The following SLC44A5 variants were observed in gnomAD, a reference collection of about 807,000 sequenced individuals.
SLC44A5 encodes choline transporter-like protein 5.
In SLC44A5, 57 loss-of-function variants were observed where a neutral mutation model predicts 101.8. The ratio of observed to expected loss-of-function variants is 0.56; its 90% CI spans 0.45 to 0.70. The LOEUF (loss-of-function observed/expected upper bound fraction) is 0.70, where lower values mean the gene tolerates loss of function less well. SLC44A5 is among the 30% of genes least tolerant of loss of function. The pLI, the probability that SLC44A5 is intolerant of heterozygous loss-of-function variation, is 0.00. For synonymous variants in SLC44A5, 281 were observed against 290.9 expected (o/e 0.97, Z 0.35); for missense variants, 737 against 853.1 (o/e 0.86, Z 1.70).
intron 2 of SLC44A5, among the ~76,000 whole-genome samples, chr1:75,485,718 A>G (rs1210614390): frequency 6.6e-6 from 1 of 151,806 alleles, no homozygotes; most frequent in Non-Finnish European, 1.5e-5. Context: ...CACTGTGACA[A>G]AGAACTACCT....
chr1:75,262,573 T>G (rs1366743531), intron 6 of SLC44A5, among the ~76,000 whole-genome samples: 1 of 152,156 alleles, frequency 6.6e-6, no homozygotes, highest in Non-Finnish European at 1.5e-5. Flanking sequence ...AATTTATAGA[T>G]TCAATGCTAT....
At chr1:75,371,165 G>A (rs1393546526) in intron 3 of SLC44A5, among the ~76,000 whole-genome samples, 1 of 152,128 alleles carries the variant, frequency 6.6e-6, no homozygotes, top group Admixed American at 6.5e-5. Flanking sequence ...GTGTCAATGG[G>A]AAATTATACA....
chr1:75,449,682 A>T (rs546993314), intron 2 of SLC44A5, among the ~76,000 whole-genome samples: 39 of 152,062 alleles, frequency 2.6e-4, no homozygotes, highest in Non-Finnish European at 5.0e-4. Context: ...TTTCCCCAAG[A>T]TAGAGGATAA....
chr1:75,479,148 A>T (rs1393915570), intron 2 of SLC44A5, among the ~76,000 whole-genome samples: 2 of 152,234 alleles, frequency 1.3e-5, no homozygotes, highest in Non-Finnish European at 2.9e-5. Context: ...CTCCTGAATG[A>T]CTACTGGGTA....
At chr1:75,633,455 C>T in the SLC44A5 span, among the ~76,000 whole-genome samples, 18 of 152,034 alleles carry the variant, frequency 1.2e-4, no homozygotes, top group African/African-American at 4.1e-4. Context: ...AAAGTGGATT[C>T]CTAGGTATTT....
chr1:75,405,732 C>A (rs1332426345), intron 2 of SLC44A5, among the ~76,000 whole-genome samples: 1 of 151,850 alleles, frequency 6.6e-6, no homozygotes, highest in African/African-American at 2.4e-5. Flanking sequence ...TTCATAGCAC[C>A]AAGTGCCCAC....
In SLC44A5 at chr1:75,365,767, T is replaced by G. The variant is rs902563398; in HGVS notation, c.53-26137A>C. Among the ~76,000 whole-genome samples the G allele has an allele frequency of 8.1e-4, 124 of 152,332 alleles. 1 individual carries two copies. Among genetic ancestry groups the G allele is most frequent in the African/African-American group, 2.8e-3 (116 of 41,568 alleles). On this transcript the variant is annotated intron_variant, in intron 3 of 23. Coordinates refer to ENST00000370859, the MANE Select transcript of SLC44A5 (RefSeq NM_001130058.2). Reference sequence around the variant, plus strand: ...TTGTTAATATTTTCTAGCAGTATACTTTGTTCTGTTCTCATTCTATTTTAT... The same window carrying G: ...TTGTTAATATTTTCTAGCAGTATACGTTGTTCTGTTCTCATTCTATTTTAT...
At chr1:75,370,819 T>A (rs1048671894) in intron 3 of SLC44A5, among the ~76,000 whole-genome samples, 3 of 152,202 alleles carry the variant, frequency 2.0e-5, no homozygotes, top group African/African-American at 7.2e-5. Context: ...GAGAAAAATG[T>A]AATTTCCTGC....
intron 14 of SLC44A5, among the ~76,000 whole-genome samples, chr1:75,221,951 C>A (rs1260553683): frequency 2.3e-5 from 3 of 132,494 alleles, no homozygotes; most frequent in Admixed American, 1.4e-4. Context: ...TTTTAAAAGT[C>A]TTCTTCTTCT....
At chr1:75,646,641 A>G in the SLC44A5 span, among the ~76,000 whole-genome samples, 10 of 152,172 alleles carry the variant, frequency 6.6e-5, no homozygotes. Context: ...TCTTCTCATG[A>G]TAGTGAGAGA....
chr1:75,414,786 AT>A (rs1185779092), intron 2 of SLC44A5, among the ~76,000 whole-genome samples: 9 of 152,194 alleles, frequency 5.9e-5, no homozygotes, highest in African/African-American at 1.9e-4. Context: ...AAAGGATCTA[AT>A]AAAAGTCTAG....
chr1:75,329,917 G>A (rs374369830), intron 4 of SLC44A5, among the ~76,000 whole-genome samples: 26 of 151,706 alleles, frequency 1.7e-4, no homozygotes, highest in Admixed American at 5.3e-4. Context: ...CTCCTACTAC[G>A]TGAAGCATTC....
upstream of SLC44A5, among the ~76,000 whole-genome samples, chr1:75,611,643 G>T (rs149462402): frequency 6.1e-3 from 922 of 152,270 alleles, 13 homozygotes; most frequent in African/African-American, 0.021. Flanking sequence ...AAACATCTGT[G>T]TGCTTTTATT....
At chr1:75,257,519 G>C (rs1650111282) in intron 6 of SLC44A5, among the ~76,000 whole-genome samples, 1 of 152,188 alleles carries the variant, frequency 6.6e-6, no homozygotes. Flanking sequence ...GCCAGGATCA[G>C]CTGGGAACCT....
chr1:75,375,297 A>T (rs532192438), intron 3 of SLC44A5, among the ~76,000 whole-genome samples: 1 of 152,338 alleles, frequency 6.6e-6, no homozygotes, highest in African/African-American at 2.4e-5. Context: ...ACTCAGTCAG[A>T]CAAAAACAAA....
At chr1:75,441,510 T>G (rs1333482300) in intron 2 of SLC44A5, among the ~76,000 whole-genome samples, 13 of 148,760 alleles carry the variant, frequency 8.7e-5, no homozygotes, top group Non-Finnish European at 1.5e-4. Context: ...AAAAAACAAA[T>G]AGAGAGGCCA....
chr1:75,664,087 G>C, the SLC44A5 span, among the ~76,000 whole-genome samples: 10 of 150,296 alleles, frequency 6.7e-5, no homozygotes, highest in Non-Finnish European at 1.3e-4. Flanking sequence ...CACAGAAAAA[G>C]ATTTTGATAA....
At chr1:75,553,028 G>C (rs937003530) in intron 1 of SLC44A5, among the ~76,000 whole-genome samples, 1 of 152,064 alleles carries the variant, frequency 6.6e-6, no homozygotes, top group African/African-American at 2.4e-5. Flanking sequence ...AGTCAAAAAT[G>C]AAAAACTTGA....
chr1:75,484,617 G>C (rs1570422662), intron 2 of SLC44A5, among the ~76,000 whole-genome samples: 1 of 152,192 alleles, frequency 6.6e-6, no homozygotes, highest in South Asian at 2.1e-4. Flanking sequence ...CTGGAGGATG[G>C]TGGCCCTCTT....
Sources: allele counts gnomAD v4.1 joint callset (sites outside exome capture counted in the v4.1 genomes callset), GRCh38; gene constraint gnomAD v4.1.1; transcripts MANE v1.5; gene names NCBI Gene and HGNC (gene_info 2026-07-23, HGNC 2026-07-21).